ZC3H12B: variants seen among roughly 807,000 people sequenced by gnomAD.
The protein encoded by ZC3H12B is zinc finger CCCH-type containing 12B.
In ZC3H12B, 7 loss-of-function variants were observed where a neutral mutation model predicts 43.9. That is an observed-to-expected ratio of 0.16 (90% CI 0.09 to 0.30). The LOEUF is 0.30. ZC3H12B is among the 10% of genes least tolerant of loss of function. The pLI, the probability that ZC3H12B is intolerant of heterozygous loss-of-function variation, is 1.00. For missense variants in ZC3H12B, 475 were observed against 670.2 expected (o/e 0.71, Z 3.22); for synonymous variants, 222 against 241.7 (o/e 0.92, Z 0.76).
At chrX:65,359,430 C>A in the ZC3H12B span, among the ~76,000 whole-genome samples, 1 of 112,046 alleles carries the variant, frequency 8.9e-6, no homozygotes, top group African/African-American at 3.2e-5. Context: ...ATTCACCATT[C>A]TCGCCATTAA....
At chrX:65,078,261 G>A in the ZC3H12B span, among the ~76,000 whole-genome samples, 1 of 112,198 alleles carries the variant, frequency 8.9e-6, no homozygotes, top group Non-Finnish European at 1.9e-5. Context: ...CAAGGATGGA[G>A]ATATAAATTT....
the ZC3H12B span, among the ~76,000 whole-genome samples, chrX:65,060,076 A>G: frequency 1.1e-5 from 1 of 89,207 alleles, no homozygotes; most frequent in Non-Finnish European, 1.9e-5. Flanking sequence ...GTATCCTGCA[A>G]CTTTGCTGAA....
At chrX:65,182,765 G>T in the ZC3H12B span, among the ~76,000 whole-genome samples, 1 of 109,884 alleles carries the variant, frequency 9.1e-6, no homozygotes, top group Non-Finnish European at 1.9e-5. Flanking sequence ...TGCAAATGAC[G>T]TGGACAGACA....
the ZC3H12B span, among the ~76,000 whole-genome samples, chrX:65,101,935 G>C: frequency 8.9e-6 from 1 of 112,201 alleles, no homozygotes; most frequent in Non-Finnish European, 1.9e-5. Context: ...AACAAGAAAA[G>C]AAAAGTTTTA....
the ZC3H12B span, among the ~76,000 whole-genome samples, chrX:65,228,233 A>G: frequency 2.7e-5 from 3 of 112,046 alleles, no homozygotes; most frequent in Admixed American, 9.5e-5. Flanking sequence ...TTCAATATAC[A>G]CAAATCAATA....
At chrX:65,083,299 A>G in the ZC3H12B span, among the ~76,000 whole-genome samples, 2 of 111,757 alleles carry the variant, frequency 1.8e-5, no homozygotes, top group Non-Finnish European at 3.8e-5. Context: ...GGGCATCTAC[A>G]TTGGAATGGG....
At chrX:65,445,682 G>A (rs1197993156) in intron 3 of ZC3H12B, among the ~76,000 whole-genome samples, 2 of 112,166 alleles carry the variant, frequency 1.8e-5, no homozygotes, top group Non-Finnish European at 3.8e-5. Flanking sequence ...CAAGGCACAA[G>A]GGCTCTTTAG....
chrX:65,314,448 T>C, the ZC3H12B span, among the ~76,000 whole-genome samples: 1 of 111,058 alleles, frequency 9.0e-6, no homozygotes, highest in African/African-American at 3.3e-5. Flanking sequence ...TGATTTAAAT[T>C]ACTACTGATT....
the ZC3H12B span, among the ~76,000 whole-genome samples, chrX:65,317,954 G>T: frequency 4.7e-5 from 5 of 105,670 alleles, no homozygotes; most frequent in African/African-American, 1.7e-4. Context: ...CCACATTTTT[G>T]CAATTGTGAG....
chrX:65,137,983 C>A, the ZC3H12B span, among the ~76,000 whole-genome samples: 1 of 111,707 alleles, frequency 9.0e-6, no homozygotes, highest in Non-Finnish European at 1.9e-5. Flanking sequence ...CGTGCACCAC[C>A]ATGCCCAGCT....
chrX:65,498,941 A>G, intron 2 of ZC3H12B, 58 bp from the exon 8 acceptor site: 1 of 968,398 alleles, frequency 1.0e-6, no homozygotes, highest in Non-Finnish European at 1.5e-6. Context: ...TATTGGGGTA[A>G]TACTGTTAAT....
At chrX:65,181,882 C>G in the ZC3H12B span, among the ~76,000 whole-genome samples, 1 of 111,730 alleles carries the variant, frequency 9.0e-6, no homozygotes, top group Admixed American at 9.6e-5. Flanking sequence ...TACCATATGA[C>G]CCAGCAATCT....
the ZC3H12B span, among the ~76,000 whole-genome samples, chrX:65,230,150 G>T: frequency 1.8e-5 from 2 of 111,319 alleles, no homozygotes; most frequent in African/African-American, 6.5e-5. Context: ...GTCCAACAAT[G>T]ATAGACTGGA....
the ZC3H12B span, among the ~76,000 whole-genome samples, chrX:65,209,450 C>G: frequency 1.3e-3 from 118 of 89,515 alleles, no homozygotes; most frequent in African/African-American, 3.8e-3. Context: ...AGTAGTCATT[C>G]AGGAGCAGGT....
the ZC3H12B span, among the ~76,000 whole-genome samples, chrX:65,085,235 T>C: frequency 9.0e-6 from 1 of 111,327 alleles, no homozygotes; most frequent in Non-Finnish European, 1.9e-5. Flanking sequence ...ATAACTTAAG[T>C]GTACATTTAA....
chrX:65,349,973 T>A, the ZC3H12B span, among the ~76,000 whole-genome samples: 1 of 111,443 alleles, frequency 9.0e-6, no homozygotes, highest in Non-Finnish European at 1.9e-5. Flanking sequence ...TTCCAAACAA[T>A]AGAAAAAGAG....
At chrX:65,279,487 T>G in the ZC3H12B span, among the ~76,000 whole-genome samples, 3 of 111,154 alleles carry the variant, frequency 2.7e-5, no homozygotes, top group Non-Finnish European at 5.7e-5. Context: ...CTCTATTCCA[T>G]AAATGTTGTT....
the ZC3H12B span, among the ~76,000 whole-genome samples, chrX:65,245,904 C>G: frequency 9.2e-6 from 1 of 109,272 alleles, no homozygotes; most frequent in East Asian, 2.9e-4. Context: ...TGCACATGTA[C>G]CCTAGAACTT....
At chrX:65,211,816 T>C in the ZC3H12B span, among the ~76,000 whole-genome samples, 1 of 80,376 alleles carries the variant, frequency 1.2e-5, no homozygotes, top group African/African-American at 5.0e-5. Context: ...TAATATATAA[T>C]ATATATTATG....
Sources: allele counts gnomAD v4.1 joint callset (sites outside exome capture counted in the v4.1 genomes callset), GRCh38; gene constraint gnomAD v4.1.1; transcripts MANE v1.5; gene names NCBI Gene and HGNC (gene_info 2026-07-23, HGNC 2026-07-21).